EPB41: variants seen among roughly 807,000 people sequenced by gnomAD.
The protein encoded by EPB41 is protein 4.1.
A neutral mutation model predicts 108.0 loss-of-function variants in EPB41; 65 were observed. The ratio of observed to expected loss-of-function variants is 0.60; its 90% confidence interval spans 0.49 to 0.74. The LOEUF is 0.74. EPB41 is among the 30% of genes least tolerant of loss of function. The pLI is 0.00. For missense variants in EPB41, 875 were observed against 1,037.0 expected (o/e 0.84, Z 2.15); for synonymous variants, 336 against 358.9 (o/e 0.94, Z 0.72).
At position 29,110,053 on chromosome 1, in the gene EPB41, G is replaced by A. The variant is rs1010573880; in HGVS notation, c.2415+616G>A. Among the ~76,000 whole-genome samples, 15 of 147,666 alleles carry A rather than the reference G, an allele frequency of 1.0e-4. No homozygotes were observed. In the Admixed American group the frequency reaches 1.0e-3, roughly 10 times the overall value. ...ATCTCAATAGAAAGTTAACTTAAGG[G>A]GCCAGGCGTGGTGTAATCACACCTG... On this transcript the variant is annotated intron_variant, in intron 18 of 20. Transcript: ENST00000343067.
chr1:28,962,924 A>G (rs897844731), intron 1 of EPB41, among the ~76,000 whole-genome samples: 1 of 152,092 alleles, frequency 6.6e-6, no homozygotes, highest in Non-Finnish European at 1.5e-5. Context: ...AGTGTTTGTA[A>G]TAATAATAAA....
chr1:29,032,113 A>G (rs1004038516), intron 8 of EPB41, among the ~76,000 whole-genome samples: 1 of 151,764 alleles, frequency 6.6e-6, no homozygotes, highest in Non-Finnish European at 1.5e-5. Flanking sequence ...AAAAAAAAAA[A>G]AAGAAAAAAG....
chr1:29,098,273 C>A (rs576115873), intron 17 of EPB41, among the ~76,000 whole-genome samples: 1 of 152,214 alleles, frequency 6.6e-6, no homozygotes, highest in African/African-American at 2.4e-5. Flanking sequence ...CGGCTCACTG[C>A]AAGCTCTGCC....
intron 2 of EPB41, among the ~76,000 whole-genome samples, chr1:28,990,484 G>A (rs1362778061): frequency 1.3e-5 from 2 of 151,100 alleles, no homozygotes; most frequent in African/African-American, 2.4e-5. Context: ...ACAGTGGTGT[G>A]ATCATGGCTC....
intron 1 of EPB41, among the ~76,000 whole-genome samples, chr1:28,933,085 T>A (rs1487659469): frequency 6.6e-6 from 1 of 152,162 alleles, no homozygotes; most frequent in Non-Finnish European, 1.5e-5. Context: ...TTGAAAAAGT[T>A]TTGTCTTTAT....
intron 1 of EPB41, among the ~76,000 whole-genome samples, chr1:28,981,576 T>G (rs1265990599): frequency 6.6e-6 from 1 of 152,242 alleles, no homozygotes; most frequent in Non-Finnish European, 1.5e-5. Flanking sequence ...TTTTAAAAGT[T>G]TTTTCCCCAC....
chr1:28,993,519 A>G lies in EPB41; in HGVS notation c.658A>G (p.Thr220Ala), dbSNP rs776954685. Residue 220 changes from threonine (T) to alanine (A), a missense_variant, in exon 3 of 21, where the codon ACA becomes GCA. Thr to Ala is a moderately conservative substitution (Grantham distance 58). This residue lies in a region of EPB41 where 353 missense variants were observed against 393.2 expected (regional missense o/e 0.90). Transcript: ENST00000343067. ...CTGCAAGGTTTCTTTGTTGGATGAC[A>G]CAGTTTATGAATGTGTTGTGGAGGT... ...MHCKVSLLDD[T>A]VYECVVEKHA... 1.9e-6 allele frequency: 3 copies of G among 1,614,106 alleles called. No homozygotes were observed. Among genetic ancestry groups the G allele is most frequent in the Non-Finnish European group, 2.5e-6 (3 of 1,180,008 alleles).
At position 29,053,089 on chromosome 1, in the gene EPB41, C is replaced by T. The variant is rs1644803013; in HGVS notation, c.1637-15C>T. On this transcript the variant is annotated splice_polypyrimidine_tract_variant and intron_variant, in intron 11 of 20. Coordinates refer to ENST00000343067, the MANE Select transcript of EPB41 (RefSeq NM_001376013.1). ...TGGCCTTTACTTATGCTTCCCTTTT[C>T]CCTTTCTCACATAGCAGCAGCTGTC... 8.7e-6 allele frequency: 14 copies of T among 1,613,142 alleles called. No individual in the cohort carries two copies. The East Asian group carries it at 3.1e-4, about 36-fold the overall frequency.
chr1:29,087,176 T>C (rs536582969), intron 16 of EPB41, among the ~76,000 whole-genome samples: 2 of 151,830 alleles, frequency 1.3e-5, no homozygotes, highest in South Asian at 2.1e-4. Flanking sequence ...CTCCTGACCT[T>C]GTGATCCGCC....
intron 2 of EPB41, among the ~76,000 whole-genome samples, chr1:28,989,705 G>A (rs565529455): frequency 6.6e-6 from 1 of 152,122 alleles, no homozygotes; most frequent in Non-Finnish European, 1.5e-5. Flanking sequence ...TATAGAATCC[G>A]ACTAGAGGGT....
At chr1:28,989,054 G>A (rs942857340) in intron 2 of EPB41, among the ~76,000 whole-genome samples, 4 of 152,152 alleles carry the variant, frequency 2.6e-5, no homozygotes, top group Non-Finnish European at 5.9e-5. Context: ...GTTCTTTTAC[G>A]TAAATCTTCC....
At chr1:28,926,835 T>C (rs2093474263) in intron 1 of EPB41, among the ~76,000 whole-genome samples, 1 of 152,254 alleles carries the variant, frequency 6.6e-6, no homozygotes, top group Non-Finnish European at 1.5e-5. Context: ...AAATTGGATG[T>C]CTGTCTAATG....
chr1:28,918,280 T>C (rs1056591683), intron 1 of EPB41, among the ~76,000 whole-genome samples: 2 of 152,024 alleles, frequency 1.3e-5, no homozygotes, highest in Admixed American at 1.3e-4. Context: ...CTCCAATCTC[T>C]TGACCTCGTG....
intron 1 of EPB41, among the ~76,000 whole-genome samples, chr1:28,948,284 C>A (rs1052602266): frequency 6.6e-6 from 1 of 151,776 alleles, no homozygotes; most frequent in South Asian, 2.1e-4. Flanking sequence ...GAGGCCGAGG[C>A]GGGCGGATCA....
intron 17 of EPB41, among the ~76,000 whole-genome samples, chr1:29,098,506 T>A (rs1223534503): frequency 6.6e-6 from 1 of 152,092 alleles, no homozygotes; most frequent in Non-Finnish European, 1.5e-5. Context: ...AAATTTTTTT[T>A]AAAGCAAAAT....
At chr1:28,955,600 C>G (rs1391821646) in intron 1 of EPB41, among the ~76,000 whole-genome samples, 1 of 152,170 alleles carries the variant, frequency 6.6e-6, no homozygotes, top group African/African-American at 2.4e-5. Context: ...ACCTTGGCCT[C>G]CCAAAGTGCT....
intron 16 of EPB41, among the ~76,000 whole-genome samples, chr1:29,068,445 A>G (rs956205745): frequency 6.6e-6 from 1 of 152,228 alleles, no homozygotes; most frequent in African/African-American, 2.4e-5. Context: ...TGGTGATGTC[A>G]TTCTGTGTAC....
chr1:28,898,634 CT>C (rs2090961185), intron 1 of EPB41, among the ~76,000 whole-genome samples: 1 of 152,234 alleles, frequency 6.6e-6, no homozygotes, highest in South Asian at 2.1e-4. Context: ...TTTACCTCTC[CT>C]GGCAGCCCGT....
rs367701652 is a variant in EPB41, at chr1:29,112,572, A to G, written c.2496+124A>G. 164 of 775,834 alleles carry G rather than the reference A, an allele frequency of 2.1e-4. 2 individuals are homozygous for G. The South Asian group carries it at 2.3e-3, about 11-fold the overall frequency. 48.1% of individuals were successfully genotyped at this position (775,834 alleles called of 1,614,324 possible). Reference sequence around the variant, plus strand: ...CTTTGGCCACTCTAGCTCTTAATTGAGAAGAAAGACAAAGACAATCAAAGT... The same window carrying G: ...CTTTGGCCACTCTAGCTCTTAATTGGGAAGAAAGACAAAGACAATCAAAGT... On this transcript the variant is annotated intron_variant, in intron 19 of 20. Coordinates refer to ENST00000343067, the MANE Select transcript of EPB41 (RefSeq NM_001376013.1).
Sources: gnomAD v4.1 joint callset for allele counts (sites outside exome capture counted in the v4.1 genomes callset) on GRCh38, gnomAD v4.1.1 for gene constraint, gnomAD v4.1.1 regional missense constraint, MANE v1.5 for transcripts, NCBI Gene and HGNC (gene_info 2026-07-23, HGNC 2026-07-21) for gene names.